ROR2: variants seen among roughly 807,000 people sequenced by gnomAD.
ROR2 encodes the protein tyrosine-protein kinase transmembrane receptor ROR2.
ROR2 carries 33 observed loss-of-function variants against 74.9 expected under a neutral mutation model. That is an observed-to-expected ratio of 0.44 (90% CI 0.33 to 0.59). The LOEUF is 0.59. Among genes scored for constraint, ROR2 ranks in the 20% least tolerant of loss-of-function variants. The probability of loss-of-function intolerance (pLI) is 0.02; values close to 1 mark genes in which losing one functional copy is unlikely to be tolerated. For missense variants in ROR2, 1,216 were observed against 1,313.8 expected (o/e 0.93, Z 1.15); for synonymous variants, 586 against 558.7 (o/e 1.05, Z -0.69).
At chr9:91,748,266 G>C (rs1198316522) in intron 4 of ROR2, among the ~76,000 whole-genome samples, 3 of 149,216 alleles carry the variant, frequency 2.0e-5, no homozygotes, top group African/African-American at 7.6e-5. Context: ...GAAAAAGCGA[G>C]ACGCTGTCTC....
chr9:91,724,220 C>T lies in ROR2; in HGVS notation c.2274G>A (p.Ser758=), dbSNP rs139915017. 1.9e-4 allele frequency: 310 copies of T among 1,613,456 alleles called. No homozygotes were observed. The highest frequency in any genetic ancestry group is 4.9e-4 in the Middle Eastern group (3 of 6,062). Residue 758 remains serine (S), a synonymous_variant, in exon 9 of 9, where the codon TCG becomes TCA. Coordinates refer to ENST00000375708, the MANE Select transcript of ROR2 (RefSeq NM_004560.4). ...TGTTGCTGGCCCCCGAGGTCTGCGC[C>T]GAGCTGTTGTAGTTGGAAAGGTTGC... ...AWGNLSNYNS[S]AQTSGASNTT...
intron 1 of ROR2, among the ~76,000 whole-genome samples, chr9:91,834,174 C>T (rs2119195294): frequency 6.6e-6 from 1 of 152,348 alleles, no homozygotes; most frequent in African/African-American, 2.4e-5. Context: ...CACAGCCTGG[C>T]TCAGGAAACA....
At position 91,733,221 on chromosome 9, in the gene ROR2, G is replaced by T. The variant is rs539039649; in HGVS notation, c.838C>A (p.Arg280=). The T allele has an allele frequency of 3.1e-6, 5 of 1,611,868 alleles. No homozygotes were observed. In the South Asian group the frequency reaches 4.4e-5, roughly 14 times the overall value. ...GCCTCACACTTGGGCAGCTGAAGCC[G>T]CATGAGGATGAGCGGGTTGGAGCGG... ...IARSNPLILM[R]LQLPKCEALP... Residue 280 remains arginine, a synonymous_variant, in exon 6 of 9, where the codon CGG becomes AGG. Coordinates refer to ENST00000375708, the MANE Select transcript of ROR2 (RefSeq NM_004560.4). The surrounding 1 kb of genome is among the most constrained non-coding windows in gnomAD (Gnocchi z 5.7).
In ROR2 at chr9:91,726,520, GAA is replaced by G; in HGVS notation, c.1386+19_1386+20del. The G allele has an allele frequency of 6.2e-7, 1 of 1,609,788 alleles. No individual in the cohort carries two copies. The highest frequency in any genetic ancestry group is 8.5e-7 in the Non-Finnish European group (1 of 1,178,842). ...TAAACCTGGAAGAGCCACCCGGGTAGAAAATGTAAGGCATGGAGACCTGTTTG... is the reference window on the plus strand; with the variant it reads ...TAAACCTGGAAGAGCCACCCGGGTAGAATGTAAGGCATGGAGACCTGTTTG... On this transcript the variant is annotated intron_variant, in intron 8 of 8. Transcript: ENST00000375708.
intron 1 of ROR2, among the ~76,000 whole-genome samples, chr9:91,819,371 G>T (rs1386443334): frequency 6.6e-6 from 1 of 152,230 alleles, no homozygotes; most frequent in Non-Finnish European, 1.5e-5. Flanking sequence ...CTGTATGTGT[G>T]TCTATGTCTG....
At chr9:91,803,263 G>C (rs968906145) in intron 1 of ROR2, among the ~76,000 whole-genome samples, 2 of 152,352 alleles carry the variant, frequency 1.3e-5, no homozygotes, top group African/African-American at 4.8e-5. Flanking sequence ...TGCTACATCA[G>C]GGATGAACCT....
chr9:91,820,317 CCT>C (rs776089969), intron 1 of ROR2, among the ~76,000 whole-genome samples: 9 of 152,252 alleles, frequency 5.9e-5, no homozygotes, highest in Non-Finnish European at 1.3e-4. Flanking sequence ...GGCAGGATGC[CCT>C]CTACAAGTCA....
rs151083242 is a variant in ROR2 at position 91,822,290 on chromosome 9, C to A, written c.98-46472G>T. Among the ~76,000 whole-genome samples, 360 of 152,310 alleles carry A rather than the reference C, an allele frequency of 2.4e-3. 1 individual carries two copies. Among genetic ancestry groups the A allele is most frequent in the Middle Eastern group, 0.017 (5 of 294 alleles). On this transcript the variant is annotated intron_variant, in intron 1 of 8. Coordinates refer to ENST00000375708, the MANE Select transcript of ROR2 (RefSeq NM_004560.4). ...CCATGCATTGGTGTTTACACACCACCACCAAGGATCAGAGTTCCTTGGAAA... is the reference window on the plus strand; with the variant it reads ...CCATGCATTGGTGTTTACACACCACAACCAAGGATCAGAGTTCCTTGGAAA...
At chr9:91,770,362 G>A (rs1433379747) in intron 2 of ROR2, among the ~76,000 whole-genome samples, 1 of 152,244 alleles carries the variant, frequency 6.6e-6, no homozygotes, top group East Asian at 1.9e-4. Flanking sequence ...TGGCTCGCCT[G>A]CTGGCGGTCA....
rs2230577 is a variant in ROR2 at position 91,724,340 on chromosome 9, G to A, written c.2154C>T (p.Pro718=). Residue 718 remains proline (P), a synonymous_variant, in exon 9 of 9, where the codon CCC becomes CCT. Transcript: ENST00000375708. ...RQVLPCPDDC[P]AWVYALMIEC... is the part of the protein sequence containing the mutation. Reference sequence around the variant, plus strand: ...CGATCATGAGGGCATACACCCAGGCGGGACAGTCATCGGGGCAAGGCAGCA... The same window carrying A: ...CGATCATGAGGGCATACACCCAGGCAGGACAGTCATCGGGGCAAGGCAGCA... The A allele has an allele frequency of 0.072, 115,909 of 1,613,426 alleles. 4,883 individuals are homozygous for A. The highest frequency in any genetic ancestry group is 0.14 in the East Asian group (6,330 of 44,874).
chr9:91,774,185 G>A (rs1367964155), intron 2 of ROR2, among the ~76,000 whole-genome samples: 1 of 152,236 alleles, frequency 6.6e-6, no homozygotes, highest in Non-Finnish European at 1.5e-5. Context: ...AGCTTTCAGA[G>A]CATGCGTTTA....
At chr9:91,919,166 A>G (rs1203224439) in intron 1 of ROR2, among the ~76,000 whole-genome samples, 3 of 152,242 alleles carry the variant, frequency 2.0e-5, no homozygotes, top group African/African-American at 7.2e-5. Context: ...TACTGCCAGG[A>G]TAACAATATT....
chr9:91,723,849 G>T lies in ROR2; in HGVS notation c.2645C>A (p.Ser882Tyr). 6.2e-7 allele frequency: 1 copy of T among 1,614,058 alleles called. No individual in the cohort carries two copies. The highest frequency in any genetic ancestry group is 2.2e-5 in the East Asian group (1 of 44,878). The stretch of plus-strand genomic sequence containing the variant: ...GAGCAGGGCTGCCCTGTCTGCCATG[G>T]ATGTGTTGGAGGGGGCCGTGGTGAC... ...GYVTTAPSNT[S>Y]MADRAALLSE... The change falls in exon 9 of 9, where the codon TCC becomes TAC. Residue 882 changes from serine to tyrosine, a missense_variant. Transcript: ENST00000375708.
chr9:91,743,169 G>GA (rs1030265482), intron 4 of ROR2, among the ~76,000 whole-genome samples: 1 of 152,056 alleles, frequency 6.6e-6, no homozygotes, highest in Non-Finnish European at 1.5e-5. Context: ...TACAGCAGAA[G>GA]AAAAAAATCT....
rs1830792114 is a variant in ROR2, at chr9:91,905,514, TCACACACTA to T, written c.97+44344_97+44352del. Among the ~76,000 whole-genome samples the T allele has an allele frequency of 6.7e-6, 1 of 149,016 alleles. No homozygotes were observed. The highest frequency in any genetic ancestry group is 1.5e-5 in the Non-Finnish European group (1 of 67,154). ...ACCACATACACGACATACACAGACA[TCACACACTA>T]CACACAACCCAACATACACAGACAC... On this transcript the variant is annotated intron_variant, in intron 1 of 8. Coordinates refer to ENST00000375708, the MANE Select transcript of ROR2 (RefSeq NM_004560.4). This position sits in a 1 kb window ranked among gnomAD's most constrained non-coding sequence, Gnocchi z 5.3.
Position 91,726,688 on chromosome 9 carries a change from T to C in ROR2, c.1239A>G (p.Ala413=). Residue 413 remains alanine, a synonymous_variant, in exon 8 of 9, where the codon GCA becomes GCG. Coordinates refer to ENST00000375708, the MANE Select transcript of ROR2 (RefSeq NM_004560.4). ...GILYILVPSI[A]IPLVIACLFF... ...AAAGGCAAGCGATGACCAGTGGAAT[T>C]GCGATGCTGGGGACCAAGATGTACA... The C allele has an allele frequency of 6.2e-7, 1 of 1,613,874 alleles. No individual in the cohort carries two copies. The highest frequency in any genetic ancestry group is 8.5e-7 in the Non-Finnish European group (1 of 1,179,988).
chr9:91,945,386 C>T (rs1298040345), intron 1 of ROR2, among the ~76,000 whole-genome samples: 2 of 152,174 alleles, frequency 1.3e-5, no homozygotes, highest in African/African-American at 4.8e-5. Flanking sequence ...GTGTGGAAAC[C>T]ATTAGGCTAG....
At chr9:91,935,738 T>C (rs994231048) in intron 1 of ROR2, among the ~76,000 whole-genome samples, 1 of 152,114 alleles carries the variant, frequency 6.6e-6, no homozygotes, top group Non-Finnish European at 1.5e-5. Flanking sequence ...ACATCTGGGA[T>C]GCCCCGCTGC....
In ROR2 at chr9:91,810,090, C is replaced by T. The variant is rs184329956; in HGVS notation, c.98-34272G>A. On this transcript the variant is annotated intron_variant, in intron 1 of 8. Coordinates refer to ENST00000375708, the MANE Select transcript of ROR2 (RefSeq NM_004560.4). The stretch of plus-strand genomic sequence containing the variant: ...AGATGCCCCAGGGCAAGACAGCAGG[C>T]ACAGGGCCTCCAGCCCCCATGTCGG... Among the ~76,000 whole-genome samples, 8 of 152,388 alleles carry T rather than the reference C, an allele frequency of 5.2e-5. No homozygotes were observed. The East Asian group carries it at 1.3e-3, about 26-fold the overall frequency.
Sources: allele counts gnomAD v4.1 joint callset (sites outside exome capture counted in the v4.1 genomes callset), GRCh38; gene constraint gnomAD v4.1.1; non-coding constraint Gnocchi (gnomAD v3.1); transcripts MANE v1.5; gene names NCBI Gene and HGNC (gene_info 2026-07-23, HGNC 2026-07-21).